The following TEX10 variants were observed in gnomAD, a reference collection of about 807,000 sequenced individuals.
TEX10 encodes the protein testis-expressed protein 10.
A neutral mutation model predicts 104.4 loss-of-function variants in TEX10; 24 were observed. The ratio of observed to expected loss-of-function variants is 0.23; its 90% CI spans 0.17 to 0.32. The LOEUF is 0.32. Ranked by LOEUF, TEX10 falls within the 10% of genes least tolerant of loss-of-function variation. The pLI is 1.00. For missense variants in TEX10, 921 were observed against 1,083.9 expected, an observed-to-expected ratio of 0.85 and a Z score of 2.11; for synonymous variants, 396 against 393.4, an observed-to-expected ratio of 1.01 and a Z score of -0.08.
chr9:100,319,423 GTTAT>G (rs143230838), intron 11 of TEX10, among the ~76,000 whole-genome samples: 20,088 of 151,986 alleles, frequency 0.13, 1,368 homozygotes, highest in Non-Finnish European at 0.15. Flanking sequence ...TACTATTATG[GTTAT>G]TTAAGAAAAT....
intron 6 of TEX10, 144 bp downstream of exon 6, chr9:100,329,787 A>C (rs935922832): frequency 1.1e-5 from 8 of 729,122 alleles, no homozygotes; most frequent in Admixed American, 2.4e-5. Flanking sequence ...TCAGTGTTCA[A>C]GTAGACAGTA....
intron 11 of TEX10, among the ~76,000 whole-genome samples, chr9:100,315,009 A>G (rs929929249): frequency 3.4e-4 from 52 of 152,250 alleles, no homozygotes; most frequent in African/African-American, 1.3e-3. Flanking sequence ...GTTCAGGTGT[A>G]TGTTGTTTGA....
At chr9:100,304,245 AT>A (rs1225392384) in intron 13 of TEX10, 24 of 223,802 alleles carry the variant, frequency 1.1e-4, no homozygotes, top group African/African-American at 1.6e-4. Flanking sequence ...TTAAAAAAAA[AT>A]ATTCTAAAAT....
chr9:100,325,243 A>G (rs1428496157), intron 9 of TEX10, among the ~76,000 whole-genome samples: 4 of 152,234 alleles, frequency 2.6e-5, no homozygotes, highest in African/African-American at 9.6e-5. Context: ...ATTTCTGCCT[A>G]AAACCACATC....
intron 1 of TEX10, among the ~76,000 whole-genome samples, chr9:100,351,914 A>C (rs1356398543): frequency 6.6e-6 from 1 of 152,174 alleles, no homozygotes; most frequent in African/African-American, 2.4e-5. Flanking sequence ...TTTTTAGCAA[A>C]AGGTAGGAAC....
intron 11 of TEX10, among the ~76,000 whole-genome samples, chr9:100,316,141 C>G (rs985753589): frequency 6.6e-6 from 1 of 152,120 alleles, no homozygotes; most frequent in Non-Finnish European, 1.5e-5. Context: ...AAGATACTTG[C>G]AAATCAACTC....
At chr9:100,321,312 T>C (rs7854693) in intron 10 of TEX10, among the ~76,000 whole-genome samples, 69,145 of 152,028 alleles carry the variant, frequency 0.45, 17,414 homozygotes, top group East Asian at 0.89. Context: ...CTTCAGAAAA[T>C]TTCAAAGAAT....
intron 9 of TEX10, among the ~76,000 whole-genome samples, chr9:100,325,623 C>T (rs1028996073): frequency 5.3e-5 from 8 of 152,246 alleles, no homozygotes; most frequent in Admixed American, 1.3e-4. Flanking sequence ...CTCCACCTCC[C>T]GGGTTCAAGC....
In TEX10 at chr9:100,308,489, A is replaced by C; in HGVS notation, c.2465+11T>G. ...TAGGAAAATTAAGGTTGAAGAATAA[A>C]AAATAATTACCTCTTTCTTAGATGT... On this transcript the variant is annotated intron_variant, in intron 13 of 14. Coordinates refer to ENST00000374902, the MANE Select transcript of TEX10 (RefSeq NM_017746.4). 2 of 1,570,588 alleles carry C rather than the reference A, an allele frequency of 1.3e-6. No individual in the cohort carries two copies. The highest frequency in any genetic ancestry group is 1.7e-6 in the Non-Finnish European group (2 of 1,164,596).
intron 11 of TEX10, among the ~76,000 whole-genome samples, chr9:100,312,340 C>A (rs1181680900): frequency 6.6e-6 from 1 of 151,972 alleles, no homozygotes; most frequent in Admixed American, 6.6e-5. Flanking sequence ...GAACCAGAGC[C>A]CAAATGGAGT....
chr9:100,327,437 T>C (rs1475094934), intron 8 of TEX10, among the ~76,000 whole-genome samples: 1 of 150,230 alleles, frequency 6.7e-6, no homozygotes, highest in Non-Finnish European at 1.5e-5. Flanking sequence ...AAAGAATATA[T>C]GAAAGTCATA....
chr9:100,328,555 A>G (rs1160435259), intron 7 of TEX10, among the ~76,000 whole-genome samples: 2 of 152,218 alleles, frequency 1.3e-5, no homozygotes, highest in Non-Finnish European at 2.9e-5. Context: ...TATGAAGATT[A>G]TTGAGATTAT....
intron 4 of TEX10, among the ~76,000 whole-genome samples, chr9:100,341,011 G>A (rs1040776741): frequency 6.6e-6 from 1 of 151,972 alleles, no homozygotes; most frequent in African/African-American, 2.4e-5. Context: ...CTGTCGCCCA[G>A]GTCGGAGTAC....
intron 4 of TEX10, among the ~76,000 whole-genome samples, chr9:100,344,906 T>C (rs534536699): frequency 1.3e-5 from 2 of 152,306 alleles, no homozygotes; most frequent in Non-Finnish European, 2.9e-5. Context: ...TTACTTTTTC[T>C]TTTTTATAGG....
chr9:100,303,520 G>A, intron 14 of TEX10, 112 bp downstream of exon 14: 1 of 1,186,216 alleles, frequency 8.4e-7, no homozygotes, highest in East Asian at 2.3e-5. Flanking sequence ...TTAATTCCTG[G>A]ACTCAATGTA....
rs765750962 is a variant in TEX10, at chr9:100,303,831, C to G, written c.2477G>C (p.Trp826Ser). Residue 826 changes from tryptophan (W) to serine (S), a missense_variant, in exon 14 of 15, where the codon TGG becomes TCG. By Grantham distance (177) the Trp-to-Ser change is radical. Around this residue, in one of 3 missense-constraint regions of TEX10, gnomAD observed 753 missense variants for 868.4 expected, o/e 0.87. Transcript: ENST00000374902. ...AEHLRKRDKL[W>S]GVCVSILALL... is the part of the protein sequence containing the mutation. ...AGCCAGGATGGAGACACAGACCCCC[C>G]ACAGCTTGTCCCTACAATAACAGAG... 3.7e-6 allele frequency: 6 copies of G among 1,613,814 alleles called. No individual in the cohort carries two copies. Among genetic ancestry groups the G allele is most frequent in the Non-Finnish European group, 5.1e-6 (6 of 1,180,010 alleles).
At chr9:100,346,599 G>C in intron 3 of TEX10, 95 bp downstream of exon 3, 5 of 1,316,594 alleles carry the variant, frequency 3.8e-6, no homozygotes, top group Non-Finnish European at 5.2e-6. Flanking sequence ...AACTATGAAA[G>C]ACAACTGCAT....
chr9:100,303,216 G>A (rs2118814542), intron 14 of TEX10, among the ~76,000 whole-genome samples: 1 of 152,040 alleles, frequency 6.6e-6, no homozygotes, highest in East Asian at 1.9e-4. Context: ...CAATAAAGTT[G>A]GCATTATTCC....
intron 8 of TEX10, 40 bp downstream of exon 8, chr9:100,327,747 A>T: frequency 6.8e-7 from 1 of 1,472,246 alleles, no homozygotes; most frequent in Non-Finnish European, 9.1e-7. Context: ...ATCAGGGTGG[A>T]TCAATGACTA....
Sources: allele counts gnomAD v4.1 joint callset (sites outside exome capture counted in the v4.1 genomes callset), GRCh38; gene constraint gnomAD v4.1.1; regional missense constraint gnomAD v4.1.1; transcripts MANE v1.5; gene names NCBI Gene and HGNC (gene_info 2026-07-23, HGNC 2026-07-21).